Variants in CHN1 observed in about 807,000 individuals in gnomAD.
The protein encoded by CHN1 is N-chimaerin.
Under a neutral mutation model 59.5 loss-of-function variants are expected in CHN1, and 37 were observed. The ratio of observed to expected loss-of-function variants is 0.62; its 90% CI spans 0.48 to 0.82. The LOEUF is 0.82. CHN1 is among the 40% of genes least tolerant of loss of function. The pLI, the probability that CHN1 is intolerant of heterozygous loss-of-function variation, is 0.00. For synonymous variants in CHN1, 206 were observed against 200.4 expected (o/e 1.03, Z -0.24); for missense variants, 469 against 571.0 (o/e 0.82, Z 1.82).
intron 8 of CHN1, among the ~76,000 whole-genome samples, chr2:174,818,953 TTC>T (rs1370522288): frequency 6.6e-6 from 1 of 152,214 alleles, no homozygotes; most frequent in African/African-American, 2.4e-5. Flanking sequence ...ATAATCATTA[TTC>T]TCTCTGAATG....
At chr2:174,834,229 C>G (rs1001440175) in intron 7 of CHN1, among the ~76,000 whole-genome samples, 2 of 152,188 alleles carry the variant, frequency 1.3e-5, no homozygotes, top group African/African-American at 4.8e-5. Context: ...TTACTGTTGT[C>G]ATACATTTTG....
At chr2:174,907,054 T>C (rs1688564951) in intron 5 of CHN1, among the ~76,000 whole-genome samples, 1 of 152,126 alleles carries the variant, frequency 6.6e-6, no homozygotes, top group Non-Finnish European at 1.5e-5. Flanking sequence ...ACTCAAAGGC[T>C]CTGAACACTC....
At chr2:174,993,706 G>T (rs1427090806) in intron 1 of CHN1, among the ~76,000 whole-genome samples, 1 of 151,888 alleles carries the variant, frequency 6.6e-6, no homozygotes, top group East Asian at 1.9e-4. Flanking sequence ...CAAAGGAGAG[G>T]AAGAACCTAA....
chr2:174,799,050 T>C lies in CHN1; in HGVS notation c.*1066A>G, dbSNP rs1395173854. ...CTCTCAGGCAGCATTGTCAGCTCAA[T>C]GCATGTTGATGTCATATATTTTTGA... is the stretch of plus-strand genomic sequence containing the variant. On this transcript the variant is annotated 3_prime_UTR_variant, in exon 13 of 13. Coordinates refer to ENST00000409900, the MANE Select transcript of CHN1 (RefSeq NM_001822.7). 6.6e-6 allele frequency among the ~76,000 whole-genome samples: 1 copy of C among 152,242 alleles called. No homozygotes were observed. The highest frequency in any genetic ancestry group is 1.5e-5 in the Non-Finnish European group (1 of 68,040).
At chr2:174,964,608 G>A (rs980146372) in intron 1 of CHN1, among the ~76,000 whole-genome samples, 1 of 152,122 alleles carries the variant, frequency 6.6e-6, no homozygotes, top group Non-Finnish European at 1.5e-5. Flanking sequence ...GCAAACTTAC[G>A]CATAATAAAG....
chr2:174,915,002 C>A, intron 5 of CHN1, 56 bp downstream of exon 5: 3 of 1,024,894 alleles, frequency 2.9e-6, no homozygotes, highest in South Asian at 3.4e-5. Context: ...ATTTAAAGCC[C>A]TATATTAAGA....
At chr2:174,965,476 G>A (rs1390691902) in intron 1 of CHN1, among the ~76,000 whole-genome samples, 2 of 151,978 alleles carry the variant, frequency 1.3e-5, no homozygotes, top group Admixed American at 6.6e-5. Flanking sequence ...CAAACCAAAG[G>A]CTGTTACAAC....
intron 6 of CHN1, among the ~76,000 whole-genome samples, chr2:174,866,437 A>G (rs1329564450): frequency 6.6e-6 from 1 of 152,220 alleles, no homozygotes; most frequent in Non-Finnish European, 1.5e-5. Flanking sequence ...ATTTTTAAAA[A>G]TAAAACACAG....
In CHN1 at chr2:174,800,233, G is replaced by C; in HGVS notation, c.1263C>G (p.Val421=). The C allele has an allele frequency of 6.7e-7, 1 of 1,486,584 alleles. No homozygotes were observed. Among genetic ancestry groups the C allele is most frequent in the East Asian group, 2.3e-5 (1 of 43,462 alleles). 92.1% of individuals were successfully genotyped at this position (1,486,584 alleles called of 1,614,324 possible). A position where few individuals can be genotyped will look rare whatever the true frequency, so the allele number is the denominator to read the frequency against. The change falls in exon 13 of 13, where the codon GTC becomes GTG. Residue 421 remains valine (V), a synonymous_variant. Coordinates refer to ENST00000409900, the MANE Select transcript of CHN1 (RefSeq NM_001822.7). The stretch of plus-strand genomic sequence containing the variant: ...GAGATCTCATAAGGGTGGGTCCAAA[G>C]ACGATTCCAAGGTTCTCTGCATTCA... ...NLMNAENLGI[V]FGPTLMRSPE...
chr2:174,841,802 G>C (rs1160531989), intron 7 of CHN1, among the ~76,000 whole-genome samples: 1 of 152,038 alleles, frequency 6.6e-6, no homozygotes, highest in Non-Finnish European at 1.5e-5. Flanking sequence ...GCAATGATGA[G>C]AGACATTATT....
chr2:174,953,363 G>A (rs901239202), intron 1 of CHN1, among the ~76,000 whole-genome samples: 1 of 152,142 alleles, frequency 6.6e-6, no homozygotes, highest in Non-Finnish European at 1.5e-5. Flanking sequence ...CTAATAGTGG[G>A]CATAAGAACA....
At chr2:174,813,921 C>T (rs1275465953) in intron 8 of CHN1, among the ~76,000 whole-genome samples, 1 of 152,142 alleles carries the variant, frequency 6.6e-6, no homozygotes, top group Non-Finnish European at 1.5e-5. Context: ...TTGTAAAATG[C>T]TAGACAAATG....
intron 12 of CHN1, among the ~76,000 whole-genome samples, chr2:174,801,006 C>T (rs2105369981): frequency 6.6e-6 from 1 of 152,258 alleles, no homozygotes. Context: ...ATGCCTTTGG[C>T]CACATACGTA....
chr2:174,830,018 G>A (rs1685818207), intron 7 of CHN1, among the ~76,000 whole-genome samples: 1 of 152,094 alleles, frequency 6.6e-6, no homozygotes, highest in Admixed American at 6.6e-5. Context: ...GGCTCACGAG[G>A]TCAAGAGATC....
chr2:174,955,178 CTA>C (rs1363473786), intron 1 of CHN1, among the ~76,000 whole-genome samples: 2 of 11,052 alleles, frequency 1.8e-4, no homozygotes, highest in African/African-American at 4.2e-4. Flanking sequence ...CTCTATATAT[CTA>C]TATCTATATA....
At chr2:174,921,461 TTC>T (rs1257497247) in intron 3 of CHN1, among the ~76,000 whole-genome samples, 3 of 152,204 alleles carry the variant, frequency 2.0e-5, no homozygotes, top group African/African-American at 7.2e-5. Flanking sequence ...ATCTGCCTAG[TTC>T]TCTCATATTT....
At chr2:174,893,841 T>A (rs1688127519) in intron 5 of CHN1, among the ~76,000 whole-genome samples, 1 of 152,126 alleles carries the variant, frequency 6.6e-6, no homozygotes, top group Non-Finnish European at 1.5e-5. Context: ...GGTCAAATGA[T>A]CTTTAACAAG....
intron 5 of CHN1, among the ~76,000 whole-genome samples, chr2:174,891,582 GA>G (rs1184421052): frequency 6.8e-6 from 1 of 147,698 alleles, no homozygotes. Context: ...AAAAAAAAAA[GA>G]AAAAAAAGAA....
At chr2:174,996,962 T>G (rs115563174) in intron 1 of CHN1, among the ~76,000 whole-genome samples, 1 of 152,182 alleles carries the variant, frequency 6.6e-6, no homozygotes, top group Non-Finnish European at 1.5e-5. Context: ...TCCCCCGACA[T>G]TGTGAGACAG....
Sources: gnomAD v4.1 joint callset for allele counts (sites outside exome capture counted in the v4.1 genomes callset) on GRCh38, gnomAD v4.1.1 for gene constraint, MANE v1.5 for transcripts, NCBI Gene and HGNC (gene_info 2026-07-23, HGNC 2026-07-21) for gene names.